XKR6: variants seen among roughly 807,000 people sequenced by gnomAD.
XKR6 encodes XK-related protein 6.
Under a neutral mutation model 56.7 loss-of-function variants are expected in XKR6, and 22 were observed. That is an observed-to-expected ratio of 0.39 (90% CI 0.28 to 0.55). XKR6 has a LOEUF of 0.55. Among genes scored for constraint, XKR6 ranks in the 20% least tolerant of loss-of-function variants. The pLI, the probability that XKR6 is intolerant of heterozygous loss-of-function variation, is 0.66. For synonymous variants in XKR6, 524 were observed against 387.8 expected, an observed-to-expected ratio of 1.35 and a Z score of -4.13; for missense variants, 852 against 889.0, an observed-to-expected ratio of 0.96 and a Z score of 0.53.
At chr8:10,930,840 T>G (rs1270334155) in intron 1 of XKR6, among the ~76,000 whole-genome samples, 2 of 152,246 alleles carry the variant, frequency 1.3e-5, no homozygotes, top group Non-Finnish European at 2.9e-5. Context: ...GATAAAAGAC[T>G]GAATGCTTTT....
intron 1 of XKR6, among the ~76,000 whole-genome samples, chr8:10,986,725 G>A (rs541557291): frequency 6.6e-6 from 1 of 151,804 alleles, no homozygotes; most frequent in Admixed American, 6.6e-5. Context: ...TTCAACTTCG[G>A]TTTCCTTATC....
intron 1 of XKR6, among the ~76,000 whole-genome samples, chr8:10,945,801 C>T (rs764240692): frequency 2.0e-5 from 3 of 152,186 alleles, no homozygotes; most frequent in Non-Finnish European, 4.4e-5. Flanking sequence ...AGGCTCTGGC[C>T]TAGCGCCGCG....
chr8:11,185,514 C>T (rs879634054), intron 1 of XKR6, among the ~76,000 whole-genome samples: 3 of 152,102 alleles, frequency 2.0e-5, no homozygotes, highest in Admixed American at 6.5e-5. Context: ...AATGTACGTA[C>T]AATTTTTCAC....
chr8:11,061,041 G>C (rs1172899494), intron 1 of XKR6, among the ~76,000 whole-genome samples: 2 of 152,204 alleles, frequency 1.3e-5, no homozygotes, highest in Non-Finnish European at 2.9e-5. Context: ...GTCTACCTAG[G>C]GCTGAGGGTT....
chr8:10,970,902 C>G lies in XKR6; in HGVS notation c.765-46072G>C, dbSNP rs1306736511. 4.0e-5 allele frequency among the ~76,000 whole-genome samples: 6 copies of G among 151,458 alleles called. No individual in the cohort carries two copies. The East Asian group carries it at 1.2e-3, about 30-fold the overall frequency. ...TGAAGACTGTAATAGATTCCAGTGC[C>G]AGGAAGAGGTCTCTCTCCTAAGGAG... On this transcript the variant is annotated intron_variant, in intron 1 of 2. Transcript: ENST00000416569.
At chr8:11,120,687 T>G (rs1466384912) in intron 1 of XKR6, among the ~76,000 whole-genome samples, 3 of 152,138 alleles carry the variant, frequency 2.0e-5, no homozygotes, top group Non-Finnish European at 4.4e-5. Context: ...AAAAAACTAC[T>G]TTAAAGCTCA....
In XKR6 at chr8:10,896,184, C is replaced by G. The variant is rs531595595; in HGVS notation, c.*1768G>C. On this transcript the variant is annotated 3_prime_UTR_variant, in exon 3 of 3. Coordinates refer to ENST00000416569, the MANE Select transcript of XKR6 (RefSeq NM_173683.4). ...AAGTAGAGATACGATGCGATTGAAACGATGCCCTAGAACAGAAATATTCTT... is the reference window on the plus strand; with the variant it reads ...AAGTAGAGATACGATGCGATTGAAAGGATGCCCTAGAACAGAAATATTCTT... The G allele has an allele frequency of 5.8e-4, 87 of 148,838 alleles. No individual in the cohort carries two copies. The highest frequency in any genetic ancestry group is 1.3e-3 in the Admixed American group (19 of 14,836). The allele number at this position is 148,838 out of a possible 1,614,324, so 9.2% of individuals were successfully genotyped here. A position where few individuals can be genotyped will look rare whatever the true frequency, so the allele number is the denominator to read the frequency against.
At chr8:10,996,367 G>C (rs1344175741) in intron 1 of XKR6, among the ~76,000 whole-genome samples, 1 of 152,104 alleles carries the variant, frequency 6.6e-6, no homozygotes, top group Non-Finnish European at 1.5e-5. Context: ...TCTTGTTACT[G>C]CTCCCAGGTA....
intron 2 of XKR6, among the ~76,000 whole-genome samples, chr8:10,920,068 G>A (rs1207770487): frequency 1.3e-5 from 2 of 152,094 alleles, no homozygotes; most frequent in Non-Finnish European, 2.9e-5. Context: ...GGCAAGGGAG[G>A]GAGAGACTGG....
At chr8:10,935,909 A>C (rs1801195046) in intron 1 of XKR6, among the ~76,000 whole-genome samples, 1 of 144,330 alleles carries the variant, frequency 6.9e-6, no homozygotes, top group Admixed American at 6.9e-5. Flanking sequence ...GTAGATGTCT[A>C]TTAGGTCCAC....
At chr8:11,007,842 T>C (rs1241835756) in intron 1 of XKR6, among the ~76,000 whole-genome samples, 1 of 151,992 alleles carries the variant, frequency 6.6e-6, no homozygotes, top group East Asian at 1.9e-4. Context: ...TATCTTTTCC[T>C]AGCGGTAGGA....
At chr8:11,180,769 T>A (rs1802929841) in intron 1 of XKR6, among the ~76,000 whole-genome samples, 1 of 151,888 alleles carries the variant, frequency 6.6e-6, no homozygotes, top group Non-Finnish European at 1.5e-5. Context: ...TAGCCAGGTG[T>A]GGTGGCCTGC....
chr8:10,916,635 C>T (rs891933195), intron 2 of XKR6, among the ~76,000 whole-genome samples: 6 of 152,184 alleles, frequency 3.9e-5, no homozygotes, highest in Non-Finnish European at 8.8e-5. Context: ...AGGCTTTACC[C>T]ATAGAAGGGA....
intron 1 of XKR6, among the ~76,000 whole-genome samples, chr8:11,042,922 G>A (rs893625469): frequency 2.6e-5 from 4 of 151,998 alleles, no homozygotes; most frequent in African/African-American, 9.7e-5. Flanking sequence ...TTCCTGCCAG[G>A]TCTCTGGAAC....
chr8:10,914,497 A>G (rs951148765), intron 2 of XKR6, among the ~76,000 whole-genome samples: 2 of 152,130 alleles, frequency 1.3e-5, no homozygotes, highest in African/African-American at 4.8e-5. Flanking sequence ...ATGGCCTCTG[A>G]CGTGATGTCT....
chr8:10,958,010 AC>A (rs756752276), intron 1 of XKR6, among the ~76,000 whole-genome samples: 4 of 152,226 alleles, frequency 2.6e-5, no homozygotes, highest in African/African-American at 4.8e-5. Flanking sequence ...GGAAAAAGAA[AC>A]CCACGTGATC....
At chr8:11,180,060 G>T (rs767070492) in intron 1 of XKR6, among the ~76,000 whole-genome samples, 1 of 152,084 alleles carries the variant, frequency 6.6e-6, no homozygotes, top group Non-Finnish European at 1.5e-5. Flanking sequence ...AACTGTTTGA[G>T]CCTGGGAGGT....
intron 1 of XKR6, among the ~76,000 whole-genome samples, chr8:11,187,737 T>A (rs1803350856): frequency 6.6e-6 from 1 of 152,170 alleles, no homozygotes; most frequent in Admixed American, 6.5e-5. Context: ...GGGCTCTCCA[T>A]CACTCAATGA....
chr8:11,095,689 T>G (rs543588352), intron 1 of XKR6, among the ~76,000 whole-genome samples: 168 of 152,342 alleles, frequency 1.1e-3, no homozygotes, highest in African/African-American at 3.9e-3. Context: ...TTGGCTCTCC[T>G]CCTTTGTAAG....
Sources: gnomAD v4.1 joint callset for allele counts (sites outside exome capture counted in the v4.1 genomes callset) on GRCh38, gnomAD v4.1.1 for gene constraint, MANE v1.5 for transcripts, NCBI Gene and HGNC (gene_info 2026-07-23, HGNC 2026-07-21) for gene names.